The following SHISAL1 variants were observed in gnomAD, a reference collection of about 807,000 sequenced individuals.
SHISAL1 encodes shisa like 1, also known as protein shisa-like-1.
SHISAL1 carries 9 observed loss-of-function variants against 22.6 expected under a neutral mutation model. That is an observed-to-expected ratio of 0.40 (90% CI 0.24 to 0.70). The LOEUF (loss-of-function observed/expected upper bound fraction) is 0.70, where lower values mean the gene tolerates loss of function less well. SHISAL1 is among the 30% of genes least tolerant of loss of function. The probability of loss-of-function intolerance (pLI) is 0.39; values close to 1 mark genes in which losing one functional copy is unlikely to be tolerated. For missense variants in SHISAL1, 246 were observed against 270.6 expected (o/e 0.91, Z 0.64); for synonymous variants, 119 against 115.4 (o/e 1.03, Z -0.20).
intron 3 of SHISAL1, among the ~76,000 whole-genome samples, chr22:44,288,593 A>G (rs1327370390): frequency 6.6e-6 from 1 of 152,224 alleles, no homozygotes; most frequent in Admixed American, 6.5e-5. Flanking sequence ...GTAAGCTGAG[A>G]TTGCGCCACT....
rs1341795533 is a variant in SHISAL1, at chr22:44,296,873, T to C, written c.80A>G (p.His27Arg). ...TGTGTATGGTTCACAGACCCGGAAA[T>C]GTGCAGACAAGACTGGAAGACAGAG... ...SLLFSAVLSA[H>R]FRVCEPYTDH... Residue 27 changes from histidine (H) to arginine (R), a missense_variant, in exon 3 of 5, where the codon CAT becomes CGT. Physicochemically the swap from His to Arg is conservative, Grantham distance 29. This residue lies in a region of SHISAL1 where 110 missense variants were observed against 153.1 expected (regional missense o/e 0.72). Transcript: ENST00000381176. 1.2e-6 allele frequency: 2 copies of C among 1,611,906 alleles called. No homozygotes were observed. Among genetic ancestry groups the C allele is most frequent in the Non-Finnish European group, 1.7e-6 (2 of 1,179,606 alleles).
At chr22:44,273,182 A>C (rs1293642985) in intron 4 of SHISAL1, among the ~76,000 whole-genome samples, 1 of 152,218 alleles carries the variant, frequency 6.6e-6, no homozygotes, top group African/African-American at 2.4e-5. Flanking sequence ...GAGGAGGTAA[A>C]TATACTAGCA....
At chr22:44,306,591 CAT>C (rs2055477083) in intron 1 of SHISAL1, among the ~76,000 whole-genome samples, 1 of 43,250 alleles carries the variant, frequency 2.3e-5, no homozygotes. Flanking sequence ...ATGACGATGG[CAT>C]GTGTGGAGGG....
At chr22:44,314,748 C>T (rs1039066770), upstream of SHISAL1, among the ~76,000 whole-genome samples, 12 of 152,008 alleles carry the variant, frequency 7.9e-5, no homozygotes, top group African/African-American at 2.9e-4. Flanking sequence ...AAGCTCACAG[C>T]GGCGCTATGG....
At chr22:44,290,656 C>T (rs1229974935) in intron 3 of SHISAL1, among the ~76,000 whole-genome samples, 1 of 152,016 alleles carries the variant, frequency 6.6e-6, no homozygotes, top group East Asian at 1.9e-4. Flanking sequence ...CTGTGTGAAT[C>T]CGAATCCCAG....
At chr22:44,327,398 G>A in the SHISAL1 span, among the ~76,000 whole-genome samples, 436 of 152,264 alleles carry the variant, frequency 2.9e-3, 3 homozygotes, top group African/African-American at 8.0e-3. Flanking sequence ...GCCCGTGACT[G>A]GGGAAGTCAG....
chr22:44,319,508 G>A, the SHISAL1 span, among the ~76,000 whole-genome samples: 5 of 152,210 alleles, frequency 3.3e-5, no homozygotes, highest in African/African-American at 1.2e-4. Flanking sequence ...CCAGTGACAG[G>A]TGAAAAACAC....
the SHISAL1 span, among the ~76,000 whole-genome samples, chr22:44,326,662 G>A: frequency 0.038 from 5,717 of 152,268 alleles, 152 homozygotes; most frequent in Non-Finnish European, 0.054. Flanking sequence ...GTAGGTGTGC[G>A]TGCAGGCAGA....
intron 3 of SHISAL1, among the ~76,000 whole-genome samples, chr22:44,293,192 C>A (rs559128777): frequency 3.1e-4 from 47 of 152,184 alleles, no homozygotes; most frequent in Non-Finnish European, 6.5e-4. Context: ...ACCACGCCCC[C>A]CTCCGCAGGA....
At chr22:44,327,675 G>T in the SHISAL1 span, among the ~76,000 whole-genome samples, 1 of 152,138 alleles carries the variant, frequency 6.6e-6, no homozygotes, top group African/African-American at 2.4e-5. Context: ...AGGAAGGCAG[G>T]AAGGAGGGAA....
At chr22:44,314,373 G>C (rs1291176210), upstream of SHISAL1, among the ~76,000 whole-genome samples, 3 of 152,162 alleles carry the variant, frequency 2.0e-5, no homozygotes, top group Non-Finnish European at 4.4e-5. Context: ...TCCTGGGCAT[G>C]TTTCTCTGTC....
intron 2 of SHISAL1, 88 bp from the exon 3 acceptor site, chr22:44,296,973 G>A: frequency 1.0e-6 from 1 of 1,004,872 alleles, no homozygotes; most frequent in Non-Finnish European, 1.5e-6. Flanking sequence ...CTCTTCTCAG[G>A]TCCTGCCTGC....
At chr22:44,273,862 G>A (rs1725722753) in intron 4 of SHISAL1, among the ~76,000 whole-genome samples, 1 of 152,200 alleles carries the variant, frequency 6.6e-6, no homozygotes, top group Admixed American at 6.5e-5. Context: ...CAACTCACAA[G>A]AGAGGAAATA....
At chr22:44,256,036 A>T (rs1227625402) in intron 4 of SHISAL1, among the ~76,000 whole-genome samples, 1 of 152,216 alleles carries the variant, frequency 6.6e-6, no homozygotes, top group Admixed American at 6.5e-5. Flanking sequence ...GTAAGGGGGA[A>T]TTCATGCTAT....
chr22:44,287,847 CCT>C (rs913982153), intron 3 of SHISAL1, among the ~76,000 whole-genome samples: 12 of 152,200 alleles, frequency 7.9e-5, no homozygotes, highest in African/African-American at 2.9e-4. Flanking sequence ...TCCCCAGCAC[CCT>C]CCCTGCTGCA....
chr22:44,250,760 G>C (rs1284352740), intron 4 of SHISAL1, among the ~76,000 whole-genome samples: 1 of 152,218 alleles, frequency 6.6e-6, no homozygotes, highest in African/African-American at 2.4e-5. Context: ...CTTGGTTCTG[G>C]TGGCAGCCCT....
intron 1 of SHISAL1, among the ~76,000 whole-genome samples, chr22:44,308,006 G>A (rs961525876): frequency 6.6e-6 from 1 of 152,168 alleles, no homozygotes; most frequent in Admixed American, 6.5e-5. Flanking sequence ...TTCTGGGCAC[G>A]ACCAAGCGCG....
chr22:44,262,603 A>G (rs571383107), intron 4 of SHISAL1, among the ~76,000 whole-genome samples: 1 of 152,348 alleles, frequency 6.6e-6, no homozygotes, highest in South Asian at 2.1e-4. Flanking sequence ...CCAGAACTGC[A>G]TATCTAGCTA....
At chr22:44,312,452 G>A (rs1218506036) in intron 1 of SHISAL1, among the ~76,000 whole-genome samples, 1 of 152,198 alleles carries the variant, frequency 6.6e-6, no homozygotes, top group Non-Finnish European at 1.5e-5. Flanking sequence ...CTGAGGCACA[G>A]AGACGGTCAG....
Sources: gnomAD v4.1 joint callset for allele counts (sites outside exome capture counted in the v4.1 genomes callset) on GRCh38, gnomAD v4.1.1 for gene constraint, gnomAD v4.1.1 regional missense constraint, MANE v1.5 for transcripts, NCBI Gene and HGNC (gene_info 2026-07-23, HGNC 2026-07-21) for gene names.